Variants in RBFOX2 observed in about 807,000 individuals in gnomAD.
RBFOX2 encodes the protein RNA binding fox-1 homolog 2.
Under a neutral mutation model 49.1 loss-of-function variants are expected in RBFOX2, and 10 were observed. The observed-to-expected ratio is 0.20, with a 90% CI of 0.13 to 0.35. The LOEUF is 0.35. RBFOX2 is among the 10% of genes least tolerant of loss of function. The pLI is 1.00. For synonymous variants in RBFOX2, 183 were observed against 187.4 expected, an observed-to-expected ratio of 0.98 and a Z score of 0.19; for missense variants, 323 against 486.9, an observed-to-expected ratio of 0.66 and a Z score of 3.17.
chr22:35,975,616 G>A lies in RBFOX2; in HGVS notation c.187-36719C>T, dbSNP rs183050259. ...CTAATCCCAGTAAATCCTAACCTTGGGAGTCAGTATTTTCAAAGCTAATTG... is the reference window on the plus strand; with the variant it reads ...CTAATCCCAGTAAATCCTAACCTTGAGAGTCAGTATTTTCAAAGCTAATTG... On this transcript the variant is annotated intron_variant, in intron 1 of 13. Transcript: ENST00000438146. 2.6e-5 allele frequency among the ~76,000 whole-genome samples: 4 copies of A among 151,878 alleles called. No homozygotes were observed. In the East Asian group the frequency reaches 7.7e-4, roughly 29 times the overall value.
intron 1 of RBFOX2, among the ~76,000 whole-genome samples, chr22:36,025,040 T>G (rs1281911012): frequency 6.6e-6 from 1 of 152,150 alleles, no homozygotes; most frequent in Non-Finnish European, 1.5e-5. Flanking sequence ...ACTCCTGATC[T>G]CAGGCGATCC....
At chr22:35,953,270 T>C (rs1417795144) in intron 1 of RBFOX2, among the ~76,000 whole-genome samples, 1 of 132,226 alleles carries the variant, frequency 7.6e-6, no homozygotes, top group Non-Finnish European at 1.6e-5. Context: ...CATTAAGGGA[T>C]AAACAGATAA....
intron 1 of RBFOX2, among the ~76,000 whole-genome samples, chr22:35,813,965 C>A (rs939341337): frequency 2.0e-5 from 3 of 152,174 alleles, no homozygotes; most frequent in African/African-American, 7.2e-5. Context: ...CATGCTTGTG[C>A]TTTATGCACT....
intron 1 of RBFOX2, among the ~76,000 whole-genome samples, chr22:36,002,890 T>C (rs1403125970): frequency 6.6e-6 from 1 of 152,262 alleles, no homozygotes; most frequent in Non-Finnish European, 1.5e-5. Context: ...CCTCCCAAAG[T>C]GCTGGGATTA....
rs141753055 is a variant in RBFOX2 at position 35,945,453 on chromosome 22, T to A, written c.43-6556A>T. Reference sequence around the variant, plus strand: ...GCTTGAGAAAAAAATATATACCTTTTTTTTGAGGGTCTCACACTGTCGCCC... The same window carrying A: ...GCTTGAGAAAAAAATATATACCTTTATTTTGAGGGTCTCACACTGTCGCCC... On this transcript the variant is annotated intron_variant, in intron 1 of 5. Coordinates refer to the RBFOX2 transcript ENST00000408983. 1.4e-4 allele frequency among the ~76,000 whole-genome samples: 22 copies of A among 152,294 alleles called. 1 individual carries two copies. In the East Asian group the frequency reaches 3.9e-3, roughly 27 times the overall value.
intron 1 of RBFOX2, among the ~76,000 whole-genome samples, chr22:35,973,730 C>G (rs1299119982): frequency 6.6e-6 from 1 of 152,118 alleles, no homozygotes; most frequent in Admixed American, 6.5e-5. Flanking sequence ...TCTTAAAGGG[C>G]CTGTTTTACC....
At chr22:36,028,482 C>G (rs1190246242) in exon 1 of RBFOX2, 2 of 1,125,474 alleles carry the variant, frequency 1.8e-6, no homozygotes, top group Admixed American at 5.0e-5. Flanking sequence ...GCCACCTCCC[C>G]CTGGGCCTCG....
chr22:35,917,676 T>A (rs2050580942), intron 1 of RBFOX2, among the ~76,000 whole-genome samples: 1 of 151,898 alleles, frequency 6.6e-6, no homozygotes, highest in Non-Finnish European at 1.5e-5. Context: ...CACGGGAGGC[T>A]GGGAGAAGGG....
chr22:35,880,924 C>G (rs2045795935), intron 1 of RBFOX2, among the ~76,000 whole-genome samples: 1 of 152,170 alleles, frequency 6.6e-6, no homozygotes, highest in South Asian at 2.1e-4. Flanking sequence ...AGACAGCATT[C>G]AAATGTGATT....
At chr22:35,913,084 C>T (rs1354961942) in intron 1 of RBFOX2, among the ~76,000 whole-genome samples, 1 of 151,036 alleles carries the variant, frequency 6.6e-6, no homozygotes, top group African/African-American at 2.4e-5. Flanking sequence ...GCAAATCTGA[C>T]ATTTTAGGGC....
intron 2 of RBFOX2, among the ~76,000 whole-genome samples, chr22:35,794,242 A>C (rs1948336243): frequency 6.6e-6 from 1 of 152,130 alleles, no homozygotes. Context: ...TGCATGGAGA[A>C]GCAGGAAAAA....
At chr22:35,783,186 G>C (rs970617585) in intron 2 of RBFOX2, among the ~76,000 whole-genome samples, 5 of 152,098 alleles carry the variant, frequency 3.3e-5, no homozygotes, top group African/African-American at 4.8e-5. Flanking sequence ...ATTCCACAAG[G>C]AGGGAGGCAA....
At chr22:35,866,106 CA>C (rs2043652942) in intron 1 of RBFOX2, among the ~76,000 whole-genome samples, 1 of 152,068 alleles carries the variant, frequency 6.6e-6, no homozygotes, top group Non-Finnish European at 1.5e-5. Context: ...TAAAATTTCT[CA>C]AAAGGTTGGT....
intron 1 of RBFOX2, among the ~76,000 whole-genome samples, chr22:36,016,030 A>C (rs540475793): frequency 6.6e-6 from 1 of 152,288 alleles, no homozygotes; most frequent in South Asian, 2.1e-4. Context: ...AGGAGTCCCA[A>C]CAACTTCCAG....
intron 8 of RBFOX2, 42 bp downstream of exon 9, chr22:35,761,160 A>G (rs757765300): frequency 6.4e-7 from 1 of 1,556,084 alleles, no homozygotes; most frequent in Admixed American, 1.7e-5. Context: ...TAGTTCACTC[A>G]CAACAGTCAA....
chr22:35,872,677 G>A (rs2149207452), intron 1 of RBFOX2, among the ~76,000 whole-genome samples: 1 of 152,318 alleles, frequency 6.6e-6, no homozygotes, highest in African/African-American at 2.4e-5. Context: ...ACGTCTGTCG[G>A]TGTGCTCTTC....
At chr22:35,819,557 TAC>T (rs1254390396) in intron 1 of RBFOX2, among the ~76,000 whole-genome samples, 2 of 152,346 alleles carry the variant, frequency 1.3e-5, no homozygotes, top group East Asian at 3.9e-4. Flanking sequence ...TGCCAATGTT[TAC>T]AGTCTCAAGT....
intron 1 of RBFOX2, among the ~76,000 whole-genome samples, chr22:35,853,406 T>C (rs2042161130): frequency 6.6e-6 from 1 of 152,154 alleles, no homozygotes; most frequent in South Asian, 2.1e-4. Context: ...TGAATCTATG[T>C]GTACATCAAT....
intron 1 of RBFOX2, among the ~76,000 whole-genome samples, chr22:35,912,498 T>C (rs1197155010): frequency 2.0e-5 from 3 of 152,216 alleles, no homozygotes; most frequent in Non-Finnish European, 4.4e-5. Context: ...CAATTCACAG[T>C]GAAATCCCCT....
Sources: gnomAD v4.1 joint callset for allele counts (sites outside exome capture counted in the v4.1 genomes callset) on GRCh38, gnomAD v4.1.1 for gene constraint, MANE v1.5 for transcripts, NCBI Gene and HGNC (gene_info 2026-07-23, HGNC 2026-07-21) for gene names.